Variants in HYLS1 observed in about 807,000 individuals in gnomAD.
The protein encoded by HYLS1 is HYLS1 centriolar and ciliogenesis associated, also known as centriolar and ciliogenesis-associated protein HYLS1.
HYLS1 carries 25 observed loss-of-function variants against 29.4 expected under a neutral mutation model. The observed-to-expected ratio is 0.85, with a 90% CI of 0.62 to 1.19. HYLS1 has a LOEUF of 1.19. Ranked by LOEUF, HYLS1 falls within the 50% of genes most tolerant of loss-of-function variation. HYLS1 has a pLI of 0.00. For synonymous variants in HYLS1, 128 were observed against 126.7 expected, an observed-to-expected ratio of 1.01 and a Z score of -0.07; for missense variants, 352 against 365.1, an observed-to-expected ratio of 0.96 and a Z score of 0.29.
chr11:125,896,412 A>G, intron 2 of HYLS1: 1 of 943,530 alleles, frequency 1.1e-6, no homozygotes, highest in Non-Finnish European at 1.6e-6. Context: ...ATTTAATTTA[A>G]TGCCCAAAGA....
upstream of HYLS1, among the ~76,000 whole-genome samples, chr11:125,886,662 C>T (rs1044705883): frequency 1.4e-5 from 2 of 146,674 alleles, no homozygotes; most frequent in African/African-American, 5.1e-5. Context: ...AGTGGCTGGG[C>T]ACAGAGGCTC....
intron 2 of HYLS1, among the ~76,000 whole-genome samples, chr11:125,897,522 T>TAAA (rs367854387): frequency 6.8e-6 from 1 of 147,250 alleles, no homozygotes; most frequent in Non-Finnish European, 1.5e-5. Flanking sequence ...AATGAAAAAG[T>TAAA]AAAAAAAAAA....
At position 125,895,693 on chromosome 11, in the gene HYLS1, G is replaced by A. The variant is rs566127951; in HGVS notation, c.-25-3651G>A. 14 of 1,614,062 alleles carry A rather than the reference G, an allele frequency of 8.7e-6. No homozygotes were observed. Among genetic ancestry groups the A allele is most frequent in the Admixed American group, 6.7e-5 (4 of 60,022 alleles). ...ACCCGATTGAGAATGTGGGTATAAC[G>A]GATCTCTTCAGCAGCAGCATTAGCC... is the stretch of plus-strand genomic sequence containing the variant. On this transcript the variant is annotated intron_variant, in intron 2 of 2. Transcript: ENST00000425380.
intron 2 of HYLS1, among the ~76,000 whole-genome samples, chr11:125,893,189 G>C (rs557711422): frequency 1.3e-5 from 2 of 152,296 alleles, no homozygotes; most frequent in East Asian, 3.9e-4. Flanking sequence ...GTATGCAATA[G>C]AGGCCATTTG....
At chr11:125,893,896 TTCC>T in intron 2 of HYLS1, 1 of 1,614,196 alleles carries the variant, frequency 6.2e-7, no homozygotes, top group Non-Finnish European at 8.5e-7. Context: ...CTTTTGTTTC[TTCC>T]TCATGGAATA....
chr11:125,884,338 G>A (rs917137681), upstream of HYLS1, among the ~76,000 whole-genome samples: 7 of 152,108 alleles, frequency 4.6e-5, no homozygotes, highest in East Asian at 3.9e-4. Context: ...GGCCGGGCGC[G>A]GTGGCGGGTG....
At position 125,899,558 on chromosome 11, in the gene HYLS1, C is replaced by G; in HGVS notation, c.190C>G (p.Leu64Val). ...ASVAPGKRPA[L>V]PVQLQYPHVE... ...AGTAGCCCCAGGGAAGCGACCTGCT[C>G]TTCCTGTGCAACTACAGTACCCACA... The change falls in exon 3 of 3, where the codon CTT (leucine) becomes GTT (valine). Residue 64 changes from leucine to valine, a missense_variant. By Grantham distance (32) the Leu-to-Val change is conservative. Coordinates refer to ENST00000425380, the MANE Select transcript of HYLS1 (RefSeq NM_001134793.2). 1 of 1,614,180 alleles carries G rather than the reference C, an allele frequency of 6.2e-7. No individual in the cohort carries two copies. The highest frequency in any genetic ancestry group is 8.5e-7 in the Non-Finnish European group (1 of 1,180,034).
chr11:125,894,005 C>G lies in HYLS1; in HGVS notation c.-26+2533C>G, dbSNP rs201659793. ...ACGGTCCATGAGGGGCTTATATGTG[C>G]GCATCTTCACTCCTTCTACAAAGGC... On this transcript the variant is annotated intron_variant, in intron 2 of 2. Transcript: ENST00000425380. 4.3e-6 allele frequency: 7 copies of G among 1,614,012 alleles called. No individual in the cohort carries two copies. The African/African-American group carries it at 9.3e-5, about 22-fold the overall frequency.
rs56713748 is a variant in HYLS1 at position 125,891,419 on chromosome 11, C to G, written c.-75-4C>G. On this transcript the variant is annotated splice_polypyrimidine_tract_variant and splice_region_variant and intron_variant, in intron 1 of 2. Transcript: ENST00000425380. The stretch of plus-strand genomic sequence containing the variant: ...TTTTTTTAAACTCTATTCTTCTTTT[C>G]TAGGTTTTTTTTTTACTTGAATGTA... 2.1e-5 allele frequency: 1 copy of G among 48,578 alleles called. No homozygotes were observed. The highest frequency in any genetic ancestry group is 7.2e-4 in the East Asian group (1 of 1,386). The allele number at this position is 48,578 out of a possible 1,614,324, so 3.0% of individuals were successfully genotyped here. A position where few individuals can be genotyped will look rare whatever the true frequency, so the allele number is the denominator to read the frequency against.
At chr11:125,898,791 CTT>C (rs967677586) in intron 2 of HYLS1, among the ~76,000 whole-genome samples, 1 of 151,566 alleles carries the variant, frequency 6.6e-6, no homozygotes, top group African/African-American at 2.4e-5. Flanking sequence ...TCAAATCACT[CTT>C]TTATGGTTAA....
intron 2 of HYLS1, chr11:125,896,228 T>C (rs1442161444): frequency 1.9e-6 from 3 of 1,614,100 alleles, no homozygotes; most frequent in Admixed American, 3.3e-5. Flanking sequence ...GCTCCAGTTC[T>C]CGTACTCTTT....
At chr11:125,897,619 A>T (rs891286036) in intron 2 of HYLS1, among the ~76,000 whole-genome samples, 1 of 152,126 alleles carries the variant, frequency 6.6e-6, no homozygotes, top group Admixed American at 6.5e-5. Context: ...TTTAAAAAAA[A>T]TTTTAAATGC....
chr11:125,899,377 ACTT>A lies in HYLS1; in HGVS notation c.12_14del (p.Leu5del). The stretch of plus-strand genomic sequence containing the variant: ...ACAGTGTAGGGGAAGCAATGGAAGA[ACTT>A]CTACCTGATGGACAAATATGGGCTA... On this transcript the variant is annotated inframe_deletion, in exon 3 of 3. Coordinates refer to ENST00000425380, the MANE Select transcript of HYLS1 (RefSeq NM_001134793.2). 6.2e-7 allele frequency: 1 copy of A among 1,614,088 alleles called. No homozygotes were observed. Among genetic ancestry groups the A allele is most frequent in the Non-Finnish European group, 8.5e-7 (1 of 1,179,980 alleles).
chr11:125,895,210 T>A, intron 2 of HYLS1: 2 of 1,540,410 alleles, frequency 1.3e-6, no homozygotes, highest in East Asian at 4.5e-5. Flanking sequence ...ATTTATTTTT[T>A]ATTTTTAACT....
At chr11:125,895,634 G>T (rs753856008) in intron 2 of HYLS1, 10 of 1,614,230 alleles carry the variant, frequency 6.2e-6, no homozygotes, top group Non-Finnish European at 8.5e-6. Context: ...GTTCTACAGG[G>T]GCCCAGGCCA....
At position 125,899,939 on chromosome 11, in the gene HYLS1, A is replaced by C; in HGVS notation, c.571A>C (p.Arg191=). Residue 191 remains arginine (R), a synonymous_variant, in exon 3 of 3, where the codon AGA becomes CGA. Coordinates refer to ENST00000425380, the MANE Select transcript of HYLS1 (RefSeq NM_001134793.2). ...AYEQDLIVAS[R]PKSFILPKLD... is the part of the protein sequence containing the mutation. ...CGAACAAGACCTGATTGTTGCCAGC[A>C]GACCCAAGTCCTTTATTCTCCCAAA... The C allele has an allele frequency of 6.2e-7, 1 of 1,614,254 alleles. No homozygotes were observed. Among genetic ancestry groups the C allele is most frequent in the Non-Finnish European group, 8.5e-7 (1 of 1,180,040 alleles).
upstream of HYLS1, among the ~76,000 whole-genome samples, chr11:125,884,344 G>A (rs186996466): frequency 3.3e-5 from 5 of 152,206 alleles, no homozygotes; most frequent in African/African-American, 4.8e-5. Context: ...GCGCGGTGGC[G>A]GGTGCCTGTA....
intron 2 of HYLS1, chr11:125,895,496 G>A (rs1944555038): frequency 1.9e-6 from 3 of 1,614,030 alleles, no homozygotes; most frequent in Non-Finnish European, 2.5e-6. Context: ...TTTTACACAA[G>A]TTCCTGAAAT....
At chr11:125,897,974 C>G (rs1284716252) in intron 2 of HYLS1, among the ~76,000 whole-genome samples, 1 of 152,172 alleles carries the variant, frequency 6.6e-6, no homozygotes, top group Non-Finnish European at 1.5e-5. Context: ...ATTTATGATA[C>G]ATTCATACAT....
Sources: gnomAD v4.1 joint callset for allele counts (sites outside exome capture counted in the v4.1 genomes callset) on GRCh38, gnomAD v4.1.1 for gene constraint, MANE v1.5 for transcripts, NCBI Gene and HGNC (gene_info 2026-07-23, HGNC 2026-07-21) for gene names.